The following MRPS21 variants were observed in gnomAD, a reference collection of about 807,000 sequenced individuals.
MRPS21 encodes mitochondrial ribosomal protein S21, also known as small ribosomal subunit protein bS21m.
In MRPS21, 8 loss-of-function variants were observed where a neutral mutation model predicts 9.9. The ratio of observed to expected loss-of-function variants is 0.81; its 90% CI spans 0.47 to 1.45. The LOEUF (loss-of-function observed/expected upper bound fraction) is 1.45. Among genes scored for constraint, MRPS21 ranks in the 40% most tolerant of loss-of-function variants. The probability of loss-of-function intolerance (pLI) is 0.00; values close to 1 mark genes in which losing one functional copy is unlikely to be tolerated. For missense variants in MRPS21, 101 were observed against 118.9 expected, an observed-to-expected ratio of 0.85 and a Z score of 0.70; for synonymous variants, 40 against 40.3, an observed-to-expected ratio of 0.99 and a Z score of 0.03.
intron 2 of MRPS21, among the ~76,000 whole-genome samples, chr1:150,305,173 G>A (rs782448837): frequency 1.3e-5 from 2 of 149,968 alleles, no homozygotes; most frequent in Non-Finnish European, 3.0e-5. Context: ...AAGTAGCTGG[G>A]AGTGCAGGTG....
rs587609369 is a variant in MRPS21 at position 150,303,498 on chromosome 1, C to T, written c.84-4550C>T. On this transcript the variant is annotated intron_variant, in intron 2 of 2. Transcript: ENST00000614145. ...GATTGAAGAGTCTAGCCCAGCTCTT[C>T]ACTCCCTCTTTTACCCATGGATACT... Among the ~76,000 whole-genome samples the T allele has an allele frequency of 3.9e-5, 6 of 152,286 alleles. No individual in the cohort carries two copies. The East Asian group carries it at 1.2e-3, about 29-fold the overall frequency.
At chr1:150,294,896 CAAA>C (rs143847321) in intron 2 of MRPS21, among the ~76,000 whole-genome samples, 4 of 136,360 alleles carry the variant, frequency 2.9e-5, no homozygotes, top group Non-Finnish European at 6.2e-5. Flanking sequence ...GACTCTATCT[CAAA>C]AAAAAAGAAA....
intron 2 of MRPS21, among the ~76,000 whole-genome samples, chr1:150,295,480 C>T (rs1553856378): frequency 6.6e-6 from 1 of 152,108 alleles, no homozygotes; most frequent in East Asian, 1.9e-4. Context: ...AACCTGAATT[C>T]TTTAGAAGAC....
At chr1:150,299,233 A>T (rs1388697350) in intron 2 of MRPS21, among the ~76,000 whole-genome samples, 1 of 152,098 alleles carries the variant, frequency 6.6e-6, no homozygotes, top group Non-Finnish European at 1.5e-5. Context: ...GAAACAAAAT[A>T]TTTCTAATCT....
rs1352619272 is a variant in MRPS21, at chr1:150,308,200, A to G, written c.236A>G (p.Asn79Ser). 8 of 1,600,308 alleles carry G rather than the reference A, an allele frequency of 5.0e-6. No homozygotes were observed. Among genetic ancestry groups the G allele is most frequent in the African/African-American group, 2.7e-5 (2 of 74,746 alleles). ...ARKINFLMRK[N>S]RADPWQGC ...AAGATCAACTTCTTGATGCGAAAGA[A>G]TCGGGCAGATCCGTGGCAGGGCTGC... Residue 79 changes from asparagine (N) to serine (S), a missense_variant, in exon 3 of 3, where the codon AAT (asparagine) becomes AGT (serine). Coordinates refer to ENST00000614145, the MANE Select transcript of MRPS21 (RefSeq NM_031901.6).
chr1:150,307,851 C>T (rs781964418), intron 2 of MRPS21, among the ~76,000 whole-genome samples, 197 bp from the exon 3 acceptor site: 30 of 152,188 alleles, frequency 2.0e-4, no homozygotes, highest in Non-Finnish European at 4.1e-4. Flanking sequence ...GGTGGGATTA[C>T]AGGCATGAGC....
chr1:150,303,288 A>G (rs1443295448), intron 2 of MRPS21, among the ~76,000 whole-genome samples: 3 of 152,286 alleles, frequency 2.0e-5, no homozygotes, highest in Middle Eastern at 3.4e-3. Flanking sequence ...TTTACATTAT[A>G]TATCCAATCT....
chr1:150,298,040 T>C (rs1553856888), intron 2 of MRPS21, among the ~76,000 whole-genome samples: 3 of 152,076 alleles, frequency 2.0e-5, no homozygotes, highest in African/African-American at 7.2e-5. Context: ...TTCAAGCGTT[T>C]CTCCTGCCTC....
At chr1:150,297,664 CA>C (rs71652043) in intron 2 of MRPS21, among the ~76,000 whole-genome samples, 1 of 149,582 alleles carries the variant, frequency 6.7e-6, no homozygotes, top group Non-Finnish European at 1.5e-5. Context: ...GAGTAAGACT[CA>C]AAAAAAAAAA....
intron 2 of MRPS21, among the ~76,000 whole-genome samples, chr1:150,301,806 G>T (rs1475001959): frequency 6.6e-6 from 1 of 151,898 alleles, no homozygotes; most frequent in Non-Finnish European, 1.5e-5. Context: ...TCACGATGTT[G>T]GCCAGGCTGG....
At chr1:150,304,839 G>A (rs1553858293) in intron 2 of MRPS21, 2 of 220,222 alleles carry the variant, frequency 9.1e-6, no homozygotes, top group Non-Finnish European at 1.9e-5. Flanking sequence ...ATCACCTGAG[G>A]TCAGGAGTTC....
chr1:150,307,348 C>CATTTTT (rs1654376892), intron 2 of MRPS21, among the ~76,000 whole-genome samples: 52 of 87,518 alleles, frequency 5.9e-4, no homozygotes, highest in South Asian at 1.6e-3. Flanking sequence ...GTGCCCAGTC[C>CATTTTT]TTTTTTTTTT....
Position 150,308,299 on chromosome 1 carries a change from C to T in MRPS21, c.*71C>T. The T allele has an allele frequency of 6.9e-7, 1 of 1,453,644 alleles. No homozygotes were observed. The highest frequency in any genetic ancestry group is 9.4e-7 in the Non-Finnish European group (1 of 1,069,496). The allele number at this position is 1,453,644 out of a possible 1,614,324, so 90.0% of individuals were successfully genotyped here. On this transcript the variant is annotated 3_prime_UTR_variant, in exon 3 of 3. Transcript: ENST00000614145. Reference sequence around the variant, plus strand: ...TCTCCATCTCTTTTCTTTGTACAATCCCATTTCCTATTACCATTCTCTGCA... The same window carrying T: ...TCTCCATCTCTTTTCTTTGTACAATTCCATTTCCTATTACCATTCTCTGCA...
intron 2 of MRPS21, among the ~76,000 whole-genome samples, chr1:150,302,042 C>T (rs1654155374): frequency 6.6e-6 from 1 of 152,164 alleles, no homozygotes; most frequent in South Asian, 2.1e-4. Context: ...TTTTTCTCTG[C>T]TTTTCCCAAA....
intron 2 of MRPS21, 111 bp from the exon 3 acceptor site, chr1:150,307,937 A>G (rs1553858777): frequency 9.4e-7 from 1 of 1,067,884 alleles, no homozygotes; most frequent in African/African-American, 1.6e-5. Flanking sequence ...ACCATTTCCC[A>G]CTGTATTTTT....
At chr1:150,304,995 C>T (rs915513426) in intron 2 of MRPS21, 33 of 383,438 alleles carry the variant, frequency 8.6e-5, no homozygotes, top group African/African-American at 4.6e-4. Context: ...GCCAAGATTG[C>T]GCCATTGCAC....
At chr1:150,296,788 T>C (rs1432896603) in intron 2 of MRPS21, among the ~76,000 whole-genome samples, 1 of 152,126 alleles carries the variant, frequency 6.6e-6, no homozygotes, top group Non-Finnish European at 1.5e-5. Context: ...TGGAAAGACT[T>C]ATGGTGGTTC....
intron 2 of MRPS21, among the ~76,000 whole-genome samples, chr1:150,295,097 G>A (rs587720514): frequency 2.7e-5 from 4 of 149,132 alleles, no homozygotes; most frequent in Non-Finnish European, 4.4e-5. Flanking sequence ...CTGGGTTCAC[G>A]CCATTCTCCT....
rs587747236 is a variant in MRPS21, at chr1:150,293,879, C to T, written c.-52C>T. ...CGGTAGTGAGAACCCTTCCGGTGGG[C>T]TAGGTACTGAGCGCGCGAGGTGAGG... On this transcript the variant is annotated 5_prime_UTR_variant, in exon 1 of 3. Transcript: ENST00000614145. The T allele has an allele frequency of 3.4e-4, 57 of 167,098 alleles. No individual in the cohort carries two copies. Among genetic ancestry groups the T allele is most frequent in the Middle Eastern group, 6.3e-3 (2 of 320 alleles). The allele number at this position is 167,098 out of a possible 1,614,324, so 10.4% of individuals were successfully genotyped here.
Sources: allele counts gnomAD v4.1 joint callset (sites outside exome capture counted in the v4.1 genomes callset), GRCh38; gene constraint gnomAD v4.1.1; transcripts MANE v1.5; gene names NCBI Gene and HGNC (gene_info 2026-07-23, HGNC 2026-07-21).